Variants in TBX15 observed in about 807,000 individuals in gnomAD.
The protein encoded by TBX15 is T-box transcription factor TBX15.
In TBX15, 18 loss-of-function variants were observed where a neutral mutation model predicts 53.9. The ratio of observed to expected loss-of-function variants is 0.33; its 90% CI spans 0.23 to 0.49. TBX15 has a LOEUF of 0.49. Among genes scored for constraint, TBX15 ranks in the 20% least tolerant of loss-of-function variants. The pLI, the probability that TBX15 is intolerant of heterozygous loss-of-function variation, is 0.98. For missense variants in TBX15, 692 were observed against 749.5 expected (o/e 0.92, Z 0.90); for synonymous variants, 295 against 278.0 (o/e 1.06, Z -0.61).
chr1:118,909,491 G>A (rs536159426), intron 6 of TBX15, among the ~76,000 whole-genome samples: 3 of 152,316 alleles, frequency 2.0e-5, no homozygotes, highest in Non-Finnish European at 2.9e-5. Flanking sequence ...TTCCCATTGA[G>A]AGGAATGAGA....
At chr1:118,972,885 C>A (rs1352558085) in intron 1 of TBX15, among the ~76,000 whole-genome samples, 1 of 152,200 alleles carries the variant, frequency 6.6e-6, no homozygotes, top group African/African-American at 2.4e-5. Flanking sequence ...CAGGCCTGAG[C>A]CACCATGCCC....
chr1:118,937,950 G>A (rs1656019151), intron 1 of TBX15, among the ~76,000 whole-genome samples: 1 of 152,194 alleles, frequency 6.6e-6, no homozygotes, highest in African/African-American at 2.4e-5. Flanking sequence ...TGTACCAGGA[G>A]CAAGTAAGTT....
chr1:118,914,970 A>G (rs1415194735), intron 5 of TBX15, among the ~76,000 whole-genome samples: 1 of 152,164 alleles, frequency 6.6e-6, no homozygotes, highest in Non-Finnish European at 1.5e-5. Flanking sequence ...CCCCCACTCA[A>G]TGCATAAGTC....
chr1:118,962,278 C>T (rs1656903125), intron 1 of TBX15, among the ~76,000 whole-genome samples: 1 of 152,148 alleles, frequency 6.6e-6, no homozygotes, highest in Admixed American at 6.5e-5. Context: ...AATTGACTAT[C>T]GCTTTTTTAG....
At chr1:118,960,605 C>T (rs1337748202) in intron 1 of TBX15, among the ~76,000 whole-genome samples, 1 of 152,186 alleles carries the variant, frequency 6.6e-6, no homozygotes, top group East Asian at 1.9e-4. Context: ...AGAGGAATGG[C>T]TGCAGGGAAG....
chr1:118,930,792 G>A (rs1415222956), intron 2 of TBX15, among the ~76,000 whole-genome samples: 1 of 152,230 alleles, frequency 6.6e-6, no homozygotes, highest in African/African-American at 2.4e-5. Context: ...ACAGTTCAGA[G>A]TTGAGACCAC....
At position 118,884,648 on chromosome 1, in the gene TBX15, C is replaced by A; in HGVS notation, c.*84G>T. 6.1e-5 allele frequency: 72 copies of A among 1,187,362 alleles called. No individual in the cohort carries two copies. The highest frequency in any genetic ancestry group is 7.9e-5 in the Non-Finnish European group (65 of 821,116). 73.6% of individuals were successfully genotyped at this position (1,187,362 alleles called of 1,614,324 possible). A position where few individuals can be genotyped will look rare whatever the true frequency, so the allele number is the denominator to read the frequency against. On this transcript the variant is annotated 3_prime_UTR_variant, in exon 8 of 8. Coordinates refer to ENST00000369429, the MANE Select transcript of TBX15 (RefSeq NM_001330677.2). ...AAACACGGTTCCTGTTTTTCAAAGA[C>A]ACTGGACTCCCAAAGAGGAGGATCT... is the stretch of plus-strand genomic sequence containing the variant.
intron 7 of TBX15, 21 bp downstream of exon 7, chr1:118,899,007 G>A (rs768477163): frequency 6.2e-7 from 1 of 1,612,064 alleles, no homozygotes; most frequent in Non-Finnish European, 8.5e-7. Context: ...ACTAAGCAGA[G>A]GCCTTGCTCC....
intron 1 of TBX15, among the ~76,000 whole-genome samples, chr1:118,937,228 T>C (rs1656000105): frequency 6.6e-6 from 1 of 152,194 alleles, no homozygotes. Flanking sequence ...AACAAACTGG[T>C]ATGTCAGAGT....
intron 6 of TBX15, 30 bp from the exon 7 acceptor site, chr1:118,899,155 C>G: frequency 6.3e-7 from 1 of 1,599,096 alleles, no homozygotes; most frequent in Non-Finnish European, 8.6e-7. Context: ...CAAAGGAAGT[C>G]ATAAATAATT....
intron 7 of TBX15, among the ~76,000 whole-genome samples, chr1:118,886,589 A>T (rs1307320949): frequency 6.6e-6 from 1 of 152,168 alleles, no homozygotes; most frequent in South Asian, 2.1e-4. Flanking sequence ...TTGTTTTAAA[A>T]GCTCCCCCAG....
chr1:118,950,679 A>T (rs1656486077), intron 1 of TBX15, among the ~76,000 whole-genome samples: 1 of 152,230 alleles, frequency 6.6e-6, no homozygotes. Context: ...TTAAATGAAC[A>T]TCTGATATTC....
chr1:118,956,631 C>A (rs919824252), intron 1 of TBX15, among the ~76,000 whole-genome samples: 1 of 152,100 alleles, frequency 6.6e-6, no homozygotes. Context: ...CATCAGAGAG[C>A]TGAAAGATAT....
At chr1:118,911,127 GA>G (rs140057709) in intron 6 of TBX15, among the ~76,000 whole-genome samples, 4,145 of 152,282 alleles carry the variant, frequency 0.027, 172 homozygotes, top group African/African-American at 0.093. Flanking sequence ...AAGTCAGGCA[GA>G]GTCGGTTTTA....
chr1:118,948,923 C>T (rs1220063620), intron 1 of TBX15, among the ~76,000 whole-genome samples: 1 of 152,200 alleles, frequency 6.6e-6, no homozygotes. Context: ...TGCTCCTAAA[C>T]TGCCTGTGAA....
intron 1 of TBX15, among the ~76,000 whole-genome samples, chr1:118,965,906 CATATA>C (rs1339619410): frequency 1.3e-5 from 2 of 152,104 alleles, no homozygotes; most frequent in Non-Finnish European, 2.9e-5. Context: ...TATAAGGACT[CATATA>C]ATATATCATA....
chr1:118,907,753 G>A (rs1250741024), intron 6 of TBX15, among the ~76,000 whole-genome samples: 1 of 152,100 alleles, frequency 6.6e-6, no homozygotes, highest in African/African-American at 2.4e-5. Flanking sequence ...GTTCCCCATT[G>A]GGGTGGCCAA....
At chr1:118,910,279 T>C (rs896158557) in intron 6 of TBX15, among the ~76,000 whole-genome samples, 25 of 152,188 alleles carry the variant, frequency 1.6e-4, no homozygotes, top group African/African-American at 5.8e-4. Context: ...TAAGCCCATG[T>C]GTGTTTAAAG....
At chr1:118,939,933 A>G (rs1656113450) in intron 1 of TBX15, among the ~76,000 whole-genome samples, 1 of 151,902 alleles carries the variant, frequency 6.6e-6, no homozygotes, top group Non-Finnish European at 1.5e-5. Flanking sequence ...GCCATTTTAT[A>G]TATAAGAAAC....
Sources: gnomAD v4.1 joint callset for allele counts (sites outside exome capture counted in the v4.1 genomes callset) on GRCh38, gnomAD v4.1.1 for gene constraint, MANE v1.5 for transcripts, NCBI Gene and HGNC (gene_info 2026-07-23, HGNC 2026-07-21) for gene names.